Variants in KAT6B observed in about 807,000 individuals in gnomAD.
KAT6B encodes histone acetyltransferase KAT6B.
Under a neutral mutation model 187.5 loss-of-function variants are expected in KAT6B, and 10 were observed. The observed-to-expected ratio is 0.05, with a 90% confidence interval of 0.03 to 0.09. KAT6B has a LOEUF of 0.09. Ranked by LOEUF, KAT6B falls within the 10% of genes least tolerant of loss-of-function variation. KAT6B has a pLI of 1.00. For synonymous variants in KAT6B, 861 were observed against 926.8 expected (o/e 0.93, Z 1.29); for missense variants, 1,952 against 2,558.9 (o/e 0.76, Z 5.12).
intron 10 of KAT6B, among the ~76,000 whole-genome samples, chr10:74,981,255 TG>T (rs1307654462): frequency 6.6e-6 from 1 of 152,154 alleles, no homozygotes; most frequent in African/African-American, 2.4e-5. Flanking sequence ...AAATAATGTA[TG>T]GTTGTTTTTA....
At chr10:75,024,922 T>C (rs1845702719) in intron 16 of KAT6B, 36 bp from the exon 17 acceptor site, 9 of 1,598,980 alleles carry the variant, frequency 5.6e-6, no homozygotes, top group South Asian at 1.1e-5. Context: ...TAATTTCTCA[T>C]GAGCTCTTAT....
chr10:74,902,836 T>C (rs1437782278), intron 3 of KAT6B, among the ~76,000 whole-genome samples: 4 of 152,228 alleles, frequency 2.6e-5, no homozygotes, highest in Non-Finnish European at 5.9e-5. Context: ...TGGCTTGCAT[T>C]ACTTATCAAC....
chr10:74,994,549 G>A (rs1843301069), intron 13 of KAT6B, among the ~76,000 whole-genome samples: 1 of 151,994 alleles, frequency 6.6e-6, no homozygotes, highest in Non-Finnish European at 1.5e-5. Context: ...TTGGGAGGCC[G>A]AGACAGGCGG....
At chr10:74,930,078 C>T (rs1848767311) in intron 3 of KAT6B, among the ~76,000 whole-genome samples, 1 of 151,986 alleles carries the variant, frequency 6.6e-6, no homozygotes, top group Admixed American at 6.6e-5. Flanking sequence ...TGCCGCCATA[C>T]CTGGCTAATT....
intron 4 of KAT6B, among the ~76,000 whole-genome samples, chr10:74,961,141 A>C (rs1231917708): frequency 1.3e-5 from 2 of 152,132 alleles, no homozygotes; most frequent in Non-Finnish European, 2.9e-5. Flanking sequence ...AGATTCATTA[A>C]AATTCTTTTA....
chr10:74,841,088 C>G (rs1263810079), intron 2 of KAT6B, among the ~76,000 whole-genome samples: 1 of 152,200 alleles, frequency 6.6e-6, no homozygotes, highest in Non-Finnish European at 1.5e-5. Flanking sequence ...ATTTAATCCT[C>G]TCAGTAGTCC....
chr10:74,852,169 G>A (rs1287510699), intron 3 of KAT6B, among the ~76,000 whole-genome samples: 2 of 152,160 alleles, frequency 1.3e-5, no homozygotes, highest in African/African-American at 4.8e-5. Flanking sequence ...CCTCTCTGTT[G>A]ACCTTCTTAG....
At chr10:74,954,872 A>G (rs141315918) in intron 3 of KAT6B, among the ~76,000 whole-genome samples, 161 of 152,314 alleles carry the variant, frequency 1.1e-3, no homozygotes, top group African/African-American at 3.8e-3. Flanking sequence ...TTTTGGTACT[A>G]GCATCTCCCC....
intron 3 of KAT6B, among the ~76,000 whole-genome samples, chr10:74,907,045 A>T (rs1359431532): frequency 1.3e-5 from 2 of 152,230 alleles, no homozygotes; most frequent in African/African-American, 4.8e-5. Context: ...TGCAGACGTC[A>T]GTTGAGATTC....
chr10:74,920,599 G>C (rs954614961), intron 3 of KAT6B, among the ~76,000 whole-genome samples: 1 of 151,886 alleles, frequency 6.6e-6, no homozygotes, highest in Admixed American at 6.6e-5. Flanking sequence ...CTAATAATAC[G>C]TTTTCAACCA....
At chr10:74,843,733 G>A (rs551066459) in intron 3 of KAT6B, among the ~76,000 whole-genome samples, 1 of 152,312 alleles carries the variant, frequency 6.6e-6, no homozygotes, top group South Asian at 2.1e-4. Context: ...ACTGGTTGGT[G>A]TCTGAAGGGA....
intron 17 of KAT6B, among the ~76,000 whole-genome samples, chr10:75,027,810 C>T (rs912775299): frequency 6.6e-6 from 1 of 152,020 alleles, no homozygotes; most frequent in Non-Finnish European, 1.5e-5. Context: ...AAAAAGAATA[C>T]CTGTATTTTA....
intron 3 of KAT6B, among the ~76,000 whole-genome samples, chr10:74,887,696 C>T (rs1473527954): frequency 6.6e-6 from 1 of 152,082 alleles, no homozygotes; most frequent in African/African-American, 2.4e-5. Flanking sequence ...GGTTAGGCTT[C>T]TGGCTTTGAT....
At position 75,029,219 on chromosome 10, in the gene KAT6B, G is replaced by C. The variant is rs1050335601; in HGVS notation, c.4395G>C (p.Gln1465His). Residue 1465 changes from glutamine to histidine, a missense_variant, in exon 18 of 18, where the codon CAG (glutamine) becomes CAC (histidine). By Grantham distance (24) the Gln-to-His change is conservative. This residue lies in a region of KAT6B where 758 missense variants were observed against 891.4 expected (regional missense o/e 0.85). Coordinates refer to ENST00000287239, the MANE Select transcript of KAT6B (RefSeq NM_012330.4). This position sits in a 1 kb window ranked among gnomAD's most constrained non-coding sequence, Gnocchi z 6.2. ...AGACTTTTTTAGACCTTAATGTGCA[G>C]CCTGGTCACTCGAACCCAGAGGTCT... The part of the protein sequence containing the change: ...NQETFLDLNV[Q>H]PGHSNPEVLM... 1 of 1,614,150 alleles carries C rather than the reference G, an allele frequency of 6.2e-7. No individual in the cohort carries two copies. The highest frequency in any genetic ancestry group is 8.5e-7 in the Non-Finnish European group (1 of 1,180,032).
At chr10:74,874,088 G>A (rs1844215370) in intron 3 of KAT6B, among the ~76,000 whole-genome samples, 1 of 152,086 alleles carries the variant, frequency 6.6e-6, no homozygotes, top group South Asian at 2.1e-4. Flanking sequence ...GGTAAGTAAT[G>A]TTTCATGAAA....
intron 1 of KAT6B, among the ~76,000 whole-genome samples, chr10:74,834,071 A>T (rs1841081562): frequency 6.6e-6 from 1 of 152,150 alleles, no homozygotes; most frequent in African/African-American, 2.4e-5. Flanking sequence ...CAAACATTCA[A>T]CAGGTTTGTG....
At chr10:74,875,798 G>A (rs958698495) in intron 3 of KAT6B, among the ~76,000 whole-genome samples, 11 of 152,072 alleles carry the variant, frequency 7.2e-5, no homozygotes, top group African/African-American at 2.7e-4. Context: ...TTAATTTGCT[G>A]TTTCTTGATC....
chr10:74,885,259 A>G (rs1295485571), intron 3 of KAT6B, among the ~76,000 whole-genome samples: 2 of 151,924 alleles, frequency 1.3e-5, no homozygotes, highest in Non-Finnish European at 2.9e-5. Flanking sequence ...TTTTGTAGAT[A>G]TGGGGTCTCT....
chr10:74,836,110 G>T (rs1160405055), intron 1 of KAT6B, among the ~76,000 whole-genome samples: 2 of 152,196 alleles, frequency 1.3e-5, no homozygotes, highest in Non-Finnish European at 2.9e-5. Flanking sequence ...AGCATAACGT[G>T]TTTGAGGTCC....
Sources: gnomAD v4.1 joint callset for allele counts (sites outside exome capture counted in the v4.1 genomes callset) on GRCh38, gnomAD v4.1.1 for gene constraint, gnomAD v4.1.1 regional missense constraint, Gnocchi (gnomAD v3.1) non-coding constraint, MANE v1.5 for transcripts, NCBI Gene and HGNC (gene_info 2026-07-23, HGNC 2026-07-21) for gene names.